The following SLC37A3 variants were observed in gnomAD, a reference collection of about 807,000 sequenced individuals.
SLC37A3 encodes sugar phosphate exchanger 3.
A neutral mutation model predicts 67.1 loss-of-function variants in SLC37A3; 51 were observed. The observed-to-expected ratio is 0.76, with a 90% CI of 0.61 to 0.96. The LOEUF is 0.96. Ranked by LOEUF, SLC37A3 falls within the 40% of genes least tolerant of loss-of-function variation. The probability of loss-of-function intolerance (pLI) is 0.00; values close to 1 mark genes in which losing one functional copy is unlikely to be tolerated. For missense variants in SLC37A3, 508 were observed against 603.0 expected (o/e 0.84, Z 1.65); for synonymous variants, 214 against 231.4 (o/e 0.92, Z 0.68).
chr7:140,395,665 C>A (rs1193133496), intron 1 of SLC37A3, among the ~76,000 whole-genome samples: 1 of 151,902 alleles, frequency 6.6e-6, no homozygotes, highest in Non-Finnish European at 1.5e-5. Context: ...CCGAGATCCC[C>A]CTACTGCTCT....
At chr7:140,382,176 C>T (rs576981975) in intron 2 of SLC37A3, among the ~76,000 whole-genome samples, 4 of 152,006 alleles carry the variant, frequency 2.6e-5, no homozygotes, top group African/African-American at 7.2e-5. Flanking sequence ...CGTTTAGTAG[C>T]ATCCCTGGTC....
At chr7:140,370,933 C>A (rs1797792306) in intron 3 of SLC37A3, among the ~76,000 whole-genome samples, 1 of 152,178 alleles carries the variant, frequency 6.6e-6, no homozygotes, top group Non-Finnish European at 1.5e-5. Context: ...AGAAAACGAT[C>A]TTTGTATAAC....
At chr7:140,386,466 A>ATAATAATAAT (rs1477280852) in intron 1 of SLC37A3, among the ~76,000 whole-genome samples, 4 of 150,826 alleles carry the variant, frequency 2.7e-5, no homozygotes, top group African/African-American at 4.9e-5. Flanking sequence ...AATAATAATA[A>ATAATAATAAT]TAATAATAAT....
intron 2 of SLC37A3, among the ~76,000 whole-genome samples, chr7:140,380,756 A>G (rs79655274): frequency 6.6e-6 from 1 of 151,568 alleles, no homozygotes; most frequent in African/African-American, 2.4e-5. Flanking sequence ...AAATTTCTGT[A>G]TTTTTTGCAG....
chr7:140,388,222 C>T (rs1025722790), intron 1 of SLC37A3, among the ~76,000 whole-genome samples: 11 of 151,476 alleles, frequency 7.3e-5, no homozygotes, highest in African/African-American at 2.7e-4. Context: ...TACTTGAGCC[C>T]AGGAGTTTGA....
rs35674101 is a variant in SLC37A3, at chr7:140,395,379, T to TAAA, written c.-71+3034_-71+3036dup. ...GACAAAGCGAGACTCCATCTCAAATTAAAAAAAAAAAAAAAAAAAAAAAAG... is the reference window on the plus strand; with the variant it reads ...GACAAAGCGAGACTCCATCTCAAATTAAAAAAAAAAAAAAAAAAAAAAAAAAAG... On this transcript the variant is annotated intron_variant, in intron 1 of 14. Transcript: ENST00000326232. 5.2e-3 allele frequency among the ~76,000 whole-genome samples: 407 copies of TAAA among 77,782 alleles called. 1 individual carries two copies. The highest frequency in any genetic ancestry group is 7.7e-3 in the Non-Finnish European group (331 of 43,040). The allele number at this position is 77,782 out of a possible 152,430, so 51.0% of individuals were successfully genotyped here.
intron 4 of SLC37A3, among the ~76,000 whole-genome samples, chr7:140,366,563 T>C (rs1797609870): frequency 6.6e-6 from 1 of 152,100 alleles, no homozygotes; most frequent in African/African-American, 2.4e-5. Context: ...ACTCCATAGA[T>C]GAGGAAACTA....
At chr7:140,381,872 G>A (rs1798266009) in intron 2 of SLC37A3, among the ~76,000 whole-genome samples, 2 of 151,856 alleles carry the variant, frequency 1.3e-5, no homozygotes, top group South Asian at 4.2e-4. Context: ...TTAGTAGCCG[G>A]GCATGGTGAC....
At position 140,352,061 on chromosome 7, in the gene SLC37A3, C is replaced by A. The variant is rs1277794835; in HGVS notation, c.703+1G>T. On this transcript the variant is annotated splice_donor_variant, in intron 8 of 14. Transcript: ENST00000326232. LOFTEE classifies it high-confidence loss of function. ...GAATAGAAGGGGCGGCTTCTCCTCACCAATTTCTTCTGGTGACACCAGGAG... is the reference window on the plus strand; with the variant it reads ...GAATAGAAGGGGCGGCTTCTCCTCAACAATTTCTTCTGGTGACACCAGGAG... 28 of 1,610,658 alleles carry A rather than the reference C, an allele frequency of 1.7e-5. No individual in the cohort carries two copies. Among genetic ancestry groups the A allele is most frequent in the Non-Finnish European group, 2.2e-5 (26 of 1,178,734 alleles).
chr7:140,355,794 G>GC (rs1797002152), intron 6 of SLC37A3, 30 bp from the exon 7 acceptor site: 2 of 1,585,496 alleles, frequency 1.3e-6, no homozygotes, highest in Non-Finnish European at 1.7e-6. Context: ...GAGACAAAGG[G>GC]CCATGGTCAG....
At chr7:140,368,188 C>T (rs568528560) in intron 4 of SLC37A3, among the ~76,000 whole-genome samples, 53 of 152,214 alleles carry the variant, frequency 3.5e-4, no homozygotes, top group African/African-American at 1.3e-3. Flanking sequence ...AGCCCTAGGG[C>T]TCAGGTTTCA....
At chr7:140,349,541 G>T (rs111272728) in intron 9 of SLC37A3, among the ~76,000 whole-genome samples, 8,240 of 151,256 alleles carry the variant, frequency 0.054, 261 homozygotes, top group Non-Finnish European at 0.069. Context: ...AGGAAAAAGG[G>T]GGGGGGGACA....
chr7:140,348,550 G>C (rs895193398), intron 10 of SLC37A3, 76 bp downstream of exon 10: 13 of 1,483,744 alleles, frequency 8.8e-6, no homozygotes, highest in Non-Finnish European at 1.2e-5. Flanking sequence ...CTTTAAATGA[G>C]GCCAGATTTC....
intron 7 of SLC37A3, among the ~76,000 whole-genome samples, chr7:140,354,543 G>A (rs1488224423): frequency 6.6e-6 from 1 of 151,834 alleles, no homozygotes; most frequent in Non-Finnish European, 1.5e-5. Context: ...ATAGTTCCAA[G>A]AGCATATACA....
chr7:140,348,728 A>G lies in SLC37A3; in HGVS notation c.922T>C (p.Ser308Pro). The part of the protein sequence containing the change: ...AYACLKLVNY[S>P]FFFWLPFYLS... ...TAAAAGGGGAGCCAGAAGAAGAAGG[A>G]GTAATTCACTAACTTCAAGCAGGCG... Residue 308 changes from serine to proline, a missense_variant, in exon 10 of 15, where the codon TCC becomes CCC. Ser to Pro is a moderately conservative substitution (Grantham distance 74). Coordinates refer to ENST00000326232, the MANE Select transcript of SLC37A3 (RefSeq NM_207113.3). 6.2e-7 allele frequency: 1 copy of G among 1,614,146 alleles called. No individual in the cohort carries two copies. Among genetic ancestry groups the G allele is most frequent in the Non-Finnish European group, 8.5e-7 (1 of 1,180,012 alleles).
At chr7:140,339,341 A>G (rs1585245181) in intron 13 of SLC37A3, among the ~76,000 whole-genome samples, 1 of 148,818 alleles carries the variant, frequency 6.7e-6, no homozygotes, top group African/African-American at 2.5e-5. Context: ...GCTCACTGCA[A>G]CCTCCGCCTC....
rs1178590128 is a variant in SLC37A3 at position 140,352,064 on chromosome 7, A to G, written c.701T>C (p.Ile234Thr). The change falls in exon 8 of 15, where the codon ATT (isoleucine) becomes ACT (threonine). Residue 234 changes from isoleucine (I) to threonine (T), a missense_variant and splice_region_variant. Transcript: ENST00000326232. ...FFGLLVSPEE[I>T]GLSGIEAEEN... is the part of the protein sequence containing the mutation. The stretch of plus-strand genomic sequence containing the variant: ...TAGAAGGGGCGGCTTCTCCTCACCA[A>G]TTTCTTCTGGTGACACCAGGAGTCC... The G allele has an allele frequency of 6.2e-7, 1 of 1,611,056 alleles. No individual in the cohort carries two copies. The highest frequency in any genetic ancestry group is 8.5e-7 in the Non-Finnish European group (1 of 1,178,824).
chr7:140,357,065 T>G (rs1242452435), intron 6 of SLC37A3, among the ~76,000 whole-genome samples: 3 of 151,646 alleles, frequency 2.0e-5, no homozygotes, highest in African/African-American at 7.3e-5. Flanking sequence ...ATACAAAAAA[T>G]TAGCTGGGCA....
chr7:140,397,804 C>CA (rs1268355990), intron 1 of SLC37A3, among the ~76,000 whole-genome samples: 5 of 152,096 alleles, frequency 3.3e-5, no homozygotes, highest in African/African-American at 7.2e-5. Context: ...TCTTACATTT[C>CA]AAAAAAACAC....
Sources: allele counts gnomAD v4.1 joint callset (sites outside exome capture counted in the v4.1 genomes callset), GRCh38; gene constraint gnomAD v4.1.1; transcripts MANE v1.5; gene names NCBI Gene and HGNC (gene_info 2026-07-23, HGNC 2026-07-21).